Variants in PANX1 observed in about 807,000 individuals in gnomAD.
The protein encoded by PANX1 is pannexin 1.
Under a neutral mutation model 38.7 loss-of-function variants are expected in PANX1, and 30 were observed. That is an observed-to-expected ratio of 0.78 (90% CI 0.58 to 1.05). The LOEUF (loss-of-function observed/expected upper bound fraction) is 1.05. Among genes scored for constraint, PANX1 ranks in the 50% least tolerant of loss-of-function variants. The pLI, the probability that PANX1 is intolerant of heterozygous loss-of-function variation, is 0.00. For missense variants in PANX1, 551 were observed against 517.2 expected, an observed-to-expected ratio of 1.07 and a Z score of -0.63; for synonymous variants, 230 against 212.2, an observed-to-expected ratio of 1.08 and a Z score of -0.73.
In PANX1 at chr11:94,162,711, C is replaced by T. The variant is rs187656773; in HGVS notation, c.321+9081C>T. Among the ~76,000 whole-genome samples, 131 of 152,208 alleles carry T rather than the reference C, an allele frequency of 8.6e-4. 2 individuals carry two copies. The highest frequency in any genetic ancestry group is 2.9e-3 in the African/African-American group (119 of 41,534). The stretch of plus-strand genomic sequence containing the variant: ...CCTGCTTCGGCTCACGCTGGGTGCG[C>T]GGCACCCACTGTCCTGCCCCCACTT... On this transcript the variant is annotated intron_variant, in intron 2 of 4. Transcript: ENST00000227638.
intron 2 of PANX1, among the ~76,000 whole-genome samples, chr11:94,171,848 A>G (rs1471701920): frequency 2.1e-5 from 3 of 144,386 alleles, no homozygotes; most frequent in African/African-American, 7.9e-5. Flanking sequence ...ATGTGGGTAC[A>G]GTCTCGGGGG....
intron 1 of PANX1, among the ~76,000 whole-genome samples, chr11:94,144,725 G>GC (rs1946807631): frequency 6.6e-6 from 1 of 152,240 alleles, no homozygotes; most frequent in Non-Finnish European, 1.5e-5. Flanking sequence ...TGGCCTGTCT[G>GC]CACCTTCTCT....
At chr11:94,129,576 C>T (rs896232108) in intron 1 of PANX1, 83 bp downstream of exon 1, 41 of 1,251,384 alleles carry the variant, frequency 3.3e-5, no homozygotes, top group Non-Finnish European at 3.9e-5. Flanking sequence ...AGGCCCGAGT[C>T]TGGGTACGCC....
Position 94,180,889 on chromosome 11 carries a change from G to A in PANX1, c.*20G>A, listed in dbSNP as rs1947299089. The A allele has an allele frequency of 9.9e-6, 14 of 1,414,528 alleles. No individual in the cohort carries two copies. The highest frequency in any genetic ancestry group is 1.4e-5 in the Non-Finnish European group (14 of 998,116). The allele number at this position is 1,414,528 out of a possible 1,614,324, so 87.6% of individuals were successfully genotyped here. A position where few individuals can be genotyped will look rare whatever the true frequency, so the allele number is the denominator to read the frequency against. ...TGCTGATGATTTTTTTCCTTGAGCT[G>A]TAAATCTGTGACTTCTGCGACATGG... On this transcript the variant is annotated 3_prime_UTR_variant, in exon 5 of 5. Coordinates refer to ENST00000227638, the MANE Select transcript of PANX1 (RefSeq NM_015368.4).
rs554288861 is a variant in PANX1 at position 94,178,449 on chromosome 11, T to C, written c.402T>C (p.His134=). The change falls in exon 3 of 5, where the codon CAT becomes CAC. Residue 134 remains histidine, a synonymous_variant. Coordinates refer to ENST00000227638, the MANE Select transcript of PANX1 (RefSeq NM_015368.4). ...TCTGGCGTTTCGCAGCTGCTCCTCA[T>C]ATTTGCTCAGACTTGAAGTTTATCA... ...PLFWRFAAAP[H]ICSDLKFIME... is the part of the protein sequence containing the mutation. 1 of 1,614,118 alleles carries C rather than the reference T, an allele frequency of 6.2e-7. No homozygotes were observed. Among genetic ancestry groups the C allele is most frequent in the African/African-American group, 1.3e-5 (1 of 75,038 alleles).
At chr11:94,153,744 T>G in intron 2 of PANX1, 114 bp downstream of exon 2, 1 of 979,654 alleles carries the variant, frequency 1.0e-6, no homozygotes, top group Non-Finnish European at 1.5e-6. Flanking sequence ...GTGCTGTATC[T>G]CAGATTGTAA....
At position 94,129,275 on chromosome 11, in the gene PANX1, T is replaced by C; in HGVS notation, c.-38T>C. 6.4e-7 allele frequency: 1 copy of C among 1,567,784 alleles called. No homozygotes were observed. Among genetic ancestry groups the C allele is most frequent in the South Asian group, 1.1e-5 (1 of 87,572 alleles). ...CGCGCAGCTTTCCCGACGCCGGCTG[T>C]ACCCGGACCTCCTGGTCGAGCCTGG... On this transcript the variant is annotated 5_prime_UTR_variant, in exon 1 of 5. Transcript: ENST00000227638.
intron 2 of PANX1, among the ~76,000 whole-genome samples, chr11:94,154,578 A>G (rs771120491): frequency 1.3e-4 from 20 of 152,218 alleles, no homozygotes; most frequent in Non-Finnish European, 2.5e-4. Context: ...TTCTGCTTTG[A>G]CCTGCTTCCA....
chr11:94,162,907 T>C (rs1947063325), intron 2 of PANX1, among the ~76,000 whole-genome samples: 1 of 144,942 alleles, frequency 6.9e-6, no homozygotes, highest in African/African-American at 2.7e-5. Flanking sequence ...GGTCTCACTT[T>C]GTCACCCAGG....
chr11:94,144,744 G>A (rs1946807897), intron 1 of PANX1, among the ~76,000 whole-genome samples: 1 of 152,068 alleles, frequency 6.6e-6, no homozygotes, highest in Non-Finnish European at 1.5e-5. Context: ...CTCCTCCCTG[G>A]CCATTCATCC....
At chr11:94,162,501 G>A (rs183921562) in intron 2 of PANX1, among the ~76,000 whole-genome samples, 166 of 152,326 alleles carry the variant, frequency 1.1e-3, no homozygotes, top group Admixed American at 3.3e-3. Flanking sequence ...CTCCGTGGGC[G>A]TAGGACCCTC....
intron 2 of PANX1, among the ~76,000 whole-genome samples, chr11:94,157,858 G>A (rs1946974086): frequency 6.6e-6 from 1 of 152,060 alleles, no homozygotes; most frequent in African/African-American, 2.4e-5. Context: ...TTTCTTCTAG[G>A]GTTTTTATGG....
chr11:94,136,359 C>T (rs1946690279), intron 1 of PANX1, among the ~76,000 whole-genome samples: 1 of 152,234 alleles, frequency 6.6e-6, no homozygotes, highest in Non-Finnish European at 1.5e-5. Flanking sequence ...CTTCATGATA[C>T]ATGTTCTCCT....
At chr11:94,177,557 A>G (rs1947248267) in intron 2 of PANX1, among the ~76,000 whole-genome samples, 2 of 152,188 alleles carry the variant, frequency 1.3e-5, no homozygotes, top group South Asian at 4.1e-4. Flanking sequence ...TCAGATCTGC[A>G]CTGACTGCAA....
At chr11:94,166,414 A>T (rs1591521475) in intron 2 of PANX1, among the ~76,000 whole-genome samples, 1 of 152,196 alleles carries the variant, frequency 6.6e-6, no homozygotes, top group African/African-American at 2.4e-5. Context: ...TTTGAAGGAT[A>T]ACTTTGCTGG....
intron 1 of PANX1, among the ~76,000 whole-genome samples, chr11:94,150,648 G>A (rs529172887): frequency 1.3e-5 from 2 of 152,124 alleles, no homozygotes; most frequent in African/African-American, 4.8e-5. Context: ...CCGGTCCCCT[G>A]TACCCTCCTG....
At chr11:94,130,680 G>GTTTCT in intron 1 of PANX1, among the ~76,000 whole-genome samples, 1 of 152,318 alleles carries the variant, frequency 6.6e-6, no homozygotes, top group Non-Finnish European at 1.5e-5. Flanking sequence ...AAATGGGTGG[G>GTTTCT]TGATTGCTGT....
Position 94,178,575 on chromosome 11 carries a change from C to T in PANX1, c.528C>T (p.Thr176=), listed in dbSNP as rs770139795. ...GAGCCTGCTCAGTTCCAGGTGTTAC[C>T]GAGAACTTAGGGCAAAGGTAACTTA... ...RDGACSVPGV[T]ENLGQSLWEV... The change falls in exon 3 of 5, where the codon ACC becomes ACT. Residue 176 remains threonine (T), a synonymous_variant. Coordinates refer to ENST00000227638, the MANE Select transcript of PANX1 (RefSeq NM_015368.4). 1.1e-5 allele frequency: 17 copies of T among 1,613,552 alleles called. No individual in the cohort carries two copies. Among genetic ancestry groups the T allele is most frequent in the East Asian group, 4.5e-5 (2 of 44,866 alleles).
At chr11:94,167,694 C>A (rs565633691) in intron 2 of PANX1, among the ~76,000 whole-genome samples, 4 of 152,224 alleles carry the variant, frequency 2.6e-5, no homozygotes, top group African/African-American at 7.2e-5. Context: ...CCAAAATAAT[C>A]AAATAGAAAT....
Sources: gnomAD v4.1 joint callset for allele counts (sites outside exome capture counted in the v4.1 genomes callset) on GRCh38, gnomAD v4.1.1 for gene constraint, MANE v1.5 for transcripts, NCBI Gene and HGNC (gene_info 2026-07-23, HGNC 2026-07-21) for gene names.